KCNMB2: variants seen among roughly 807,000 people sequenced by gnomAD.
The protein encoded by KCNMB2 is potassium calcium-activated channel subfamily M regulatory beta subunit 2, also known as calcium-activated potassium channel subunit beta-2.
Under a neutral mutation model 24.5 loss-of-function variants are expected in KCNMB2, and 9 were observed. The ratio of observed to expected loss-of-function variants is 0.37; its 90% confidence interval spans 0.22 to 0.64. The LOEUF (loss-of-function observed/expected upper bound fraction) is 0.64. Ranked by LOEUF, KCNMB2 falls within the 30% of genes least tolerant of loss-of-function variation. The pLI is 0.63. For synonymous variants in KCNMB2, 109 were observed against 104.4 expected, an observed-to-expected ratio of 1.04 and a Z score of -0.27; for missense variants, 226 against 284.3, an observed-to-expected ratio of 0.79 and a Z score of 1.47.
rs117068138 is a variant in KCNMB2 at position 178,562,865 on chromosome 3, A to C, written c.-68+26154A>C. Among the ~76,000 whole-genome samples the C allele has an allele frequency of 1.4e-4, 22 of 152,344 alleles. No individual in the cohort carries two copies. In the East Asian group the frequency reaches 3.5e-3, roughly 24 times the overall value. On this transcript the variant is annotated intron_variant, in intron 1 of 4. Transcript: ENST00000452583. Reference sequence around the variant, plus strand: ...TGAGTGAAAGCGGGACAAAGACAGTAAGCACTGATGAAACCTTGAAGCTGG... The same window carrying C: ...TGAGTGAAAGCGGGACAAAGACAGTCAGCACTGATGAAACCTTGAAGCTGG...
At chr3:178,579,876 T>G (rs56409867) in intron 1 of KCNMB2, among the ~76,000 whole-genome samples, 36,501 of 152,038 alleles carry the variant, frequency 0.24, 5,105 homozygotes, top group East Asian at 0.41. Flanking sequence ...GAGGCAGTAA[T>G]TAATCGCCTA....
At chr3:178,632,354 G>A (rs1263512745) in intron 1 of KCNMB2, among the ~76,000 whole-genome samples, 2 of 152,190 alleles carry the variant, frequency 1.3e-5, no homozygotes, top group Non-Finnish European at 2.9e-5. Flanking sequence ...AGATATACCT[G>A]ACACTGGATA....
intron 1 of KCNMB2, among the ~76,000 whole-genome samples, chr3:178,776,916 G>T (rs1712603785): frequency 6.6e-6 from 1 of 152,068 alleles, no homozygotes; most frequent in Non-Finnish European, 1.5e-5. Flanking sequence ...ACCTTCATCA[G>T]TAAAATAGGA....
At chr3:178,740,431 T>A (rs919919597) in intron 1 of KCNMB2, among the ~76,000 whole-genome samples, 3 of 152,172 alleles carry the variant, frequency 2.0e-5, no homozygotes, top group Non-Finnish European at 4.4e-5. Context: ...CCGTAAACAT[T>A]TTTTATTATA....
Position 178,618,570 on chromosome 3 carries a change from A to C in KCNMB2, c.-68+81859A>C, listed in dbSNP as rs112069640. Among the ~76,000 whole-genome samples the C allele has an allele frequency of 5.1e-3, 775 of 152,316 alleles. 4 individuals carry two copies. Among genetic ancestry groups the C allele is most frequent in the Admixed American group, 8.2e-3 (125 of 15,294 alleles). ...GCCTCCTTTTCACTTACAACTCAAA[A>C]GTGAGAAGAGAGGAGGTAAAGGGAA... On this transcript the variant is annotated intron_variant, in intron 1 of 4. Coordinates refer to ENST00000452583, the MANE Select transcript of KCNMB2 (RefSeq NM_181361.3).
chr3:178,606,891 T>C (rs1718293283), intron 1 of KCNMB2, among the ~76,000 whole-genome samples: 1 of 152,144 alleles, frequency 6.6e-6, no homozygotes. Context: ...GAAAGCTCTC[T>C]CTCCCCTTCC....
chr3:178,804,241 T>C (rs541230003), intron 1 of KCNMB2, among the ~76,000 whole-genome samples: 1 of 152,216 alleles, frequency 6.6e-6, no homozygotes, highest in African/African-American at 2.4e-5. Context: ...ATTGAATTAA[T>C]ATCTTAAGGA....
chr3:178,745,131 A>G (rs770548910), intron 1 of KCNMB2, among the ~76,000 whole-genome samples: 9 of 152,224 alleles, frequency 5.9e-5, no homozygotes, highest in Non-Finnish European at 8.8e-5. Context: ...TCAGGTAATA[A>G]GTCAAACACT....
intron 3 of KCNMB2, among the ~76,000 whole-genome samples, chr3:178,826,612 A>T (rs1445998571): frequency 6.6e-6 from 1 of 152,336 alleles, no homozygotes; most frequent in Non-Finnish European, 1.5e-5. Flanking sequence ...GCCCTGATGT[A>T]TCGAATGAAG....
At chr3:178,801,072 G>A (rs1713756424) in intron 1 of KCNMB2, among the ~76,000 whole-genome samples, 7 of 151,908 alleles carry the variant, frequency 4.6e-5, no homozygotes, top group Admixed American at 4.6e-4. Context: ...TGGTTAATGG[G>A]TACAAAATAT....
chr3:178,738,037 G>A (rs914066867), intron 1 of KCNMB2, among the ~76,000 whole-genome samples: 4 of 152,112 alleles, frequency 2.6e-5, no homozygotes, highest in Non-Finnish European at 2.9e-5. Flanking sequence ...TGGTGTTTCT[G>A]TTGTCAAGAG....
At position 178,817,216 on chromosome 3, in the gene KCNMB2, C is replaced by CATATATATATATATATATATATAT. The variant is rs573513799; in HGVS notation, c.57-8361_57-8360insTATATATATATATATATATATATA. Among the ~76,000 whole-genome samples the CATATATATATATATATATATATAT allele has an allele frequency of 4.9e-5, 5 of 101,844 alleles. 1 individual carries two copies. The highest frequency in any genetic ancestry group is 2.7e-4 in the African/African-American group (5 of 18,566). 66.8% of individuals were successfully genotyped at this position (101,844 alleles called of 152,430 possible). ...TGGACAAAATCCTTCATGTTAATGA[C>CATATATATATATATATATATATAT]ATATATATATAAATGAAGTGTGACT... On this transcript the variant is annotated intron_variant, in intron 2 of 4. Coordinates refer to ENST00000452583, the MANE Select transcript of KCNMB2 (RefSeq NM_181361.3).
intron 1 of KCNMB2, among the ~76,000 whole-genome samples, chr3:178,597,518 C>T (rs973695706): frequency 4.6e-5 from 7 of 152,066 alleles, no homozygotes; most frequent in Admixed American, 1.3e-4. Flanking sequence ...ACAGCTAGGC[C>T]CATTGAATAA....
chr3:178,586,096 T>C (rs1358577765), intron 1 of KCNMB2, among the ~76,000 whole-genome samples: 1 of 152,194 alleles, frequency 6.6e-6, no homozygotes, highest in Non-Finnish European at 1.5e-5. Flanking sequence ...TGTCTCTTGC[T>C]CTTTGCCTCG....
chr3:178,672,603 G>A (rs55800056), intron 1 of KCNMB2, among the ~76,000 whole-genome samples: 21,409 of 152,136 alleles, frequency 0.14, 1,843 homozygotes, highest in Admixed American at 0.22. Flanking sequence ...GAGAGGCACC[G>A]AACATTCACA....
chr3:178,609,368 C>T (rs769516280), intron 1 of KCNMB2, among the ~76,000 whole-genome samples: 4 of 151,686 alleles, frequency 2.6e-5, no homozygotes, highest in Admixed American at 1.3e-4. Context: ...GTTTGAGCTC[C>T]TTATGTATTC....
chr3:178,792,965 T>C (rs1713383986), intron 1 of KCNMB2, among the ~76,000 whole-genome samples: 1 of 152,194 alleles, frequency 6.6e-6, no homozygotes, highest in African/African-American at 2.4e-5. Context: ...CCATCTTGGC[T>C]GCTGCTTGGA....
At chr3:178,698,746 T>C (rs4405893) in intron 1 of KCNMB2, among the ~76,000 whole-genome samples, 108,455 of 152,138 alleles carry the variant, frequency 0.71, 39,130 homozygotes, top group African/African-American at 0.85. Flanking sequence ...TCTTTGTGGG[T>C]TTATCTACCT....
intron 1 of KCNMB2, among the ~76,000 whole-genome samples, chr3:178,674,421 T>C (rs1185550566): frequency 1.3e-5 from 2 of 152,224 alleles, no homozygotes. Flanking sequence ...TCACCATTAA[T>C]GGTAACTTAG....
Sources: allele counts gnomAD v4.1 joint callset (sites outside exome capture counted in the v4.1 genomes callset), GRCh38; gene constraint gnomAD v4.1.1; transcripts MANE v1.5; gene names NCBI Gene and HGNC (gene_info 2026-07-23, HGNC 2026-07-21).